The following B3GNT3 variants were observed in gnomAD, a reference collection of about 807,000 sequenced individuals.
B3GNT3 encodes N-acetyllactosaminide beta-1,3-N-acetylglucosaminyltransferase 3.
In B3GNT3, 7 loss-of-function variants were observed where a neutral mutation model predicts 11.6. The ratio of observed to expected loss-of-function variants is 0.60; its 90% CI spans 0.34 to 1.13. The LOEUF is 1.13. B3GNT3 is among the 50% of genes most tolerant of loss of function. The pLI is 0.03. For synonymous variants in B3GNT3, 201 were observed against 222.1 expected (o/e 0.90, Z 0.85); for missense variants, 400 against 507.4 (o/e 0.79, Z 2.03).
At chr19:17,806,147 C>CTTT (rs1251648713) in intron 1 of B3GNT3, among the ~76,000 whole-genome samples, 1 of 141,334 alleles carries the variant, frequency 7.1e-6, no homozygotes, top group Non-Finnish European at 1.6e-5. Context: ...TTTGTATTTT[C>CTTT]TTTTTTTTTT....
At chr19:17,802,221 T>C (rs1157053837) in intron 1 of B3GNT3, among the ~76,000 whole-genome samples, 1 of 152,096 alleles carries the variant, frequency 6.6e-6, no homozygotes, top group African/African-American at 2.4e-5. Context: ...TTATCTTGAC[T>C]GAATCACGGG....
chr19:17,811,839 C>T lies in B3GNT3; in HGVS notation c.836C>T (p.Thr279Met), dbSNP rs1417584978. The change falls in exon 3 of 3, where the codon ACG becomes ATG. Residue 279 changes from threonine to methionine, a missense_variant. Transcript: ENST00000318683. The surrounding 1 kb of genome is among the most constrained non-coding windows in gnomAD (Gnocchi z 4.1). ...GGGGFLLSRF[T>M]AAALRRAAHV... Reference sequence around the variant, plus strand: ...GGTGGCTTCTTGCTGTCCCGCTTCACGGCCGCTGCCCTGCGCCGTGCTGCC... The same window carrying T: ...GGTGGCTTCTTGCTGTCCCGCTTCATGGCCGCTGCCCTGCGCCGTGCTGCC... The T allele has an allele frequency of 6.2e-6, 10 of 1,614,098 alleles. No homozygotes were observed. The highest frequency in any genetic ancestry group is 4.4e-5 in the South Asian group (4 of 91,092).
chr19:17,807,521 A>C (rs536288889), intron 1 of B3GNT3, among the ~76,000 whole-genome samples: 21 of 151,010 alleles, frequency 1.4e-4, no homozygotes, highest in East Asian at 7.8e-4. Context: ...AAAAAAAAAA[A>C]CAAAATTAAA....
Position 17,812,023 on chromosome 19 carries a change from G to A in B3GNT3, c.1020G>A (p.Leu340=). ...SSFDPCFYRD[L]LLVHRFLPYE... ...TTGACCCCTGCTTCTACCGAGACCTGCTGCTGGTGCACCGCTTCCTACCTT... is the reference window on the plus strand; with the variant it reads ...TTGACCCCTGCTTCTACCGAGACCTACTGCTGGTGCACCGCTTCCTACCTT... Residue 340 remains leucine (L), a synonymous_variant, in exon 3 of 3, where the codon CTG becomes CTA. Transcript: ENST00000318683. 2 of 1,599,938 alleles carry A rather than the reference G, an allele frequency of 1.3e-6. No individual in the cohort carries two copies. Among genetic ancestry groups the A allele is most frequent in the Non-Finnish European group, 1.7e-6 (2 of 1,179,884 alleles).
At chr19:17,809,452 A>AT (rs1162603828) in intron 2 of B3GNT3, among the ~76,000 whole-genome samples, 1 of 150,046 alleles carries the variant, frequency 6.7e-6, no homozygotes, top group Admixed American at 6.9e-5. Context: ...TTTTTTAATT[A>AT]ATTTTTTTTT....
chr19:17,808,232 G>A lies in B3GNT3; in HGVS notation c.425G>A (p.Arg142His), dbSNP rs770788961. Residue 142 changes from arginine to histidine, a missense_variant, in exon 2 of 3, where the codon CGC becomes CAC. Arg to His is a conservative substitution (Grantham distance 29, BLOSUM62 0). Transcript: ENST00000318683. ...RERKVRGLQL[R>H]LLFLVGTASN... ...CGCAAGGTACGGGGTTTGCAGCTGC[G>A]CCTCCTCTTCCTGGTGGGCACAGCC... 1.9e-6 allele frequency: 3 copies of A among 1,613,446 alleles called. No individual in the cohort carries two copies. Among genetic ancestry groups the A allele is most frequent in the Non-Finnish European group, 2.5e-6 (3 of 1,179,774 alleles).
Position 17,807,967 on chromosome 19 carries a change from A to AACC in B3GNT3, c.160_161insACC (p.Thr54delinsAsnPro). The AACC allele has an allele frequency of 1.4e-6, 1 of 737,826 alleles. No homozygotes were observed. Among genetic ancestry groups the AACC allele is most frequent in the Non-Finnish European group, 1.9e-6 (1 of 531,306 alleles). The allele number at this position is 737,826 out of a possible 1,614,324, so 45.7% of individuals were successfully genotyped here. On this transcript the variant is annotated protein_altering_variant, in exon 2 of 3. Transcript: ENST00000318683. The stretch of plus-strand genomic sequence containing the variant: ...GGCCCTGGCCTGGCCCACTCCACCC[A>AACC]CCCGCCCAGCCCCGGCCCCGTGCCA...
rs375856820 is a variant in B3GNT3, at chr19:17,804,038, G to T, written c.-50-3720G>T. 1.2e-4 allele frequency among the ~76,000 whole-genome samples: 18 copies of T among 152,034 alleles called. No homozygotes were observed. In the East Asian group the frequency reaches 2.9e-3, roughly 24 times the overall value. On this transcript the variant is annotated intron_variant, in intron 1 of 2. Transcript: ENST00000318683. ...CAATCAATACCTGTTGGGCCTTCCT[G>T]GCTTATAGGCCATGGTGTGCCAACA...
At chr19:17,806,347 T>C (rs1187428379) in intron 1 of B3GNT3, among the ~76,000 whole-genome samples, 1 of 151,992 alleles carries the variant, frequency 6.6e-6, no homozygotes, top group African/African-American at 2.4e-5. Context: ...CTTATTGTTA[T>C]ATTGAGGGCA....
Position 17,811,445 on chromosome 19 carries a change from G to A in B3GNT3, c.568-126G>A. On this transcript the variant is annotated intron_variant, in intron 2 of 2. Transcript: ENST00000318683. The surrounding 1 kb of genome is among the most constrained non-coding windows in gnomAD (Gnocchi z 4.1). ...TTCCCAAGTAACCCCACAGGGCAGG[G>A]CCTTAACCCAGGCTGGATTGTGGAC... 1 of 978,396 alleles carries A rather than the reference G, an allele frequency of 1.0e-6. No homozygotes were observed. Among genetic ancestry groups the A allele is most frequent in the South Asian group, 1.7e-5 (1 of 57,892 alleles). The allele number at this position is 978,396 out of a possible 1,614,324, so 60.6% of individuals were successfully genotyped here. A position where few individuals can be genotyped will look rare whatever the true frequency, so the allele number is the denominator to read the frequency against.
rs183898310 is a variant in B3GNT3 at position 17,811,594 on chromosome 19, G to A, written c.591G>A (p.Glu197=). The part of the protein sequence containing the change: ...LKQVLFLQWQ[E]TRCANASFVL... Reference sequence around the variant, plus strand: ...AGGTCCTGTTCTTACAGTGGCAGGAGACAAGGTGCGCCAACGCCAGCTTCG... The same window carrying A: ...AGGTCCTGTTCTTACAGTGGCAGGAAACAAGGTGCGCCAACGCCAGCTTCG... Residue 197 remains glutamate, a synonymous_variant, in exon 3 of 3, where the codon GAG becomes GAA. Coordinates refer to ENST00000318683, the MANE Select transcript of B3GNT3 (RefSeq NM_014256.4). This position sits in a 1 kb window ranked among gnomAD's most constrained non-coding sequence, Gnocchi z 4.1. 6.2e-7 allele frequency: 1 copy of A among 1,612,920 alleles called. No homozygotes were observed. Among genetic ancestry groups the A allele is most frequent in the East Asian group, 2.2e-5 (1 of 44,868 alleles).
intron 2 of B3GNT3, among the ~76,000 whole-genome samples, chr19:17,808,725 C>T (rs1422144931): frequency 6.6e-6 from 1 of 152,212 alleles, no homozygotes; most frequent in Non-Finnish European, 1.5e-5. Flanking sequence ...TCCCACCCAC[C>T]TCTAAGGGCT....
At chr19:17,808,486 C>A (rs1181181316) in intron 2 of B3GNT3, 112 bp downstream of exon 2, 6 of 1,129,678 alleles carry the variant, frequency 5.3e-6, no homozygotes, top group Non-Finnish European at 6.2e-6. Context: ...CATCACAGCC[C>A]ATTCTGCCCC....
At chr19:17,796,461 C>G (rs2094159664) in intron 1 of B3GNT3, among the ~76,000 whole-genome samples, 1 of 152,170 alleles carries the variant, frequency 6.6e-6, no homozygotes, top group Non-Finnish European at 1.5e-5. Context: ...CGGGGGACTC[C>G]TGCAGTCCAG....
At chr19:17,800,417 G>C (rs1009282803) in intron 1 of B3GNT3, among the ~76,000 whole-genome samples, 5 of 152,140 alleles carry the variant, frequency 3.3e-5, no homozygotes, top group Admixed American at 3.3e-4. Flanking sequence ...GGGCGACAGA[G>C]GTGCCTGGAG....
chr19:17,799,520 T>C (rs2094163434), intron 1 of B3GNT3, among the ~76,000 whole-genome samples: 1 of 151,988 alleles, frequency 6.6e-6, no homozygotes, highest in African/African-American at 2.4e-5. Context: ...CGCCCGCCTC[T>C]GCCTCCCAAA....
At chr19:17,804,757 C>A (rs962831044) in intron 1 of B3GNT3, among the ~76,000 whole-genome samples, 3 of 151,828 alleles carry the variant, frequency 2.0e-5, no homozygotes, top group African/African-American at 7.3e-5. Flanking sequence ...GGGGTTTCAC[C>A]ATGTTGGCCA....
intron 2 of B3GNT3, among the ~76,000 whole-genome samples, chr19:17,809,727 G>A (rs957652936): frequency 6.6e-6 from 1 of 151,852 alleles, no homozygotes; most frequent in Non-Finnish European, 1.5e-5. Context: ...GGGATTACAG[G>A]TATGAGCCAC....
chr19:17,810,573 G>A (rs1406091186), intron 2 of B3GNT3, among the ~76,000 whole-genome samples: 1 of 151,712 alleles, frequency 6.6e-6, no homozygotes, highest in Non-Finnish European at 1.5e-5. Context: ...GTGTTTGGTG[G>A]GAGAGGGGGA....
Sources: gnomAD v4.1 joint callset for allele counts (sites outside exome capture counted in the v4.1 genomes callset) on GRCh38, gnomAD v4.1.1 for gene constraint, Gnocchi (gnomAD v3.1) non-coding constraint, MANE v1.5 for transcripts, NCBI Gene and HGNC (gene_info 2026-07-23, HGNC 2026-07-21) for gene names.